Variants in SLC4A8 observed in about 807,000 individuals in gnomAD.
SLC4A8 encodes the protein solute carrier family 4 member 8.
A neutral mutation model predicts 125.0 loss-of-function variants in SLC4A8; 40 were observed. The ratio of observed to expected loss-of-function variants is 0.32; its 90% CI spans 0.25 to 0.42. SLC4A8 has a LOEUF of 0.42. Among genes scored for constraint, SLC4A8 ranks in the 10% least tolerant of loss-of-function variants. The probability of loss-of-function intolerance (pLI) is 1.00; values close to 1 mark genes in which losing one functional copy is unlikely to be tolerated. For missense variants in SLC4A8, 863 were observed against 1,355.1 expected (o/e 0.64, Z 5.70); for synonymous variants, 456 against 476.0 (o/e 0.96, Z 0.55).
rs766460054 is a variant in SLC4A8 at position 51,450,994 on chromosome 12, G to A, written c.249G>A (p.Gly83=). Reference sequence around the variant, plus strand: ...GGCGGGGCAAAGGAGCCAGCCAGGGGGAGGAAGGCCTGGAAGCCCTGGCCC... The same window carrying A: ...GGCGGGGCAAAGGAGCCAGCCAGGGAGAGGAAGGCCTGGAAGCCCTGGCCC... ...RRGRGKGASQ[G]EEGLEALAHD... Residue 83 remains glycine, a synonymous_variant, in exon 3 of 25, where the codon GGG becomes GGA. Transcript: ENST00000453097. 3 of 1,556,166 alleles carry A rather than the reference G, an allele frequency of 1.9e-6. No homozygotes were observed. Among genetic ancestry groups the A allele is most frequent in the African/African-American group, 2.7e-5 (2 of 72,942 alleles).
intron 1 of SLC4A8, among the ~76,000 whole-genome samples, chr12:51,408,647 C>T (rs1948539933): frequency 6.6e-6 from 1 of 152,166 alleles, no homozygotes; most frequent in Non-Finnish European, 1.5e-5. Flanking sequence ...GCATGGTGTT[C>T]ACCTCTTTCT....
chr12:51,490,587 T>TGAGGTGG (rs71457823), intron 19 of SLC4A8, among the ~76,000 whole-genome samples: 30,557 of 129,304 alleles, frequency 0.24, 3,803 homozygotes, highest in Middle Eastern at 0.31. Context: ...AAAAAAAAGA[T>TGAGGTGG]GAGGTGGAGC....
chr12:51,484,072 C>T (rs746942715), intron 16 of SLC4A8, among the ~76,000 whole-genome samples: 4 of 152,122 alleles, frequency 2.6e-5, no homozygotes, highest in Non-Finnish European at 4.4e-5. Flanking sequence ...ATGAACTCAT[C>T]CTTTTTTATC....
chr12:51,403,794 A>G (rs1184903639), intron 1 of SLC4A8, among the ~76,000 whole-genome samples: 2 of 152,256 alleles, frequency 1.3e-5, no homozygotes, highest in East Asian at 3.8e-4. Context: ...GATTCTTCCC[A>G]TGTCAGCCTT....
chr12:51,435,484 G>A (rs990538018), intron 1 of SLC4A8, among the ~76,000 whole-genome samples: 4 of 152,274 alleles, frequency 2.6e-5, no homozygotes, highest in African/African-American at 9.6e-5. Context: ...GAAGCCAGGC[G>A]TGGTGGCTCG....
At chr12:51,405,001 G>A (rs1399247665) in intron 1 of SLC4A8, among the ~76,000 whole-genome samples, 1 of 152,196 alleles carries the variant, frequency 6.6e-6, no homozygotes, top group Non-Finnish European at 1.5e-5. Flanking sequence ...TAAAAGGGCT[G>A]TCTATGTTCA....
At chr12:51,434,635 C>T (rs1377553730) in intron 1 of SLC4A8, among the ~76,000 whole-genome samples, 4 of 152,104 alleles carry the variant, frequency 2.6e-5, no homozygotes, top group African/African-American at 9.7e-5. Context: ...GATGATTGAC[C>T]TTGCTCTTTA....
intron 22 of SLC4A8, among the ~76,000 whole-genome samples, chr12:51,498,316 T>C (rs1279334938): frequency 6.6e-6 from 1 of 152,030 alleles, no homozygotes; most frequent in Non-Finnish European, 1.5e-5. Flanking sequence ...AATATGAAAT[T>C]GAAATGAGCA....
intron 21 of SLC4A8, among the ~76,000 whole-genome samples, 191 bp downstream of exon 21, chr12:51,495,309 C>T (rs546099540): frequency 6.6e-6 from 1 of 152,196 alleles, no homozygotes; most frequent in East Asian, 1.9e-4. Flanking sequence ...AACTCTGCAC[C>T]TATTAAACAC....
chr12:51,403,036 G>A (rs1948422367), intron 1 of SLC4A8: 1 of 365,326 alleles, frequency 2.7e-6, no homozygotes. Context: ...TGTAGTCATG[G>A]GTAAGTTGTT....
intron 1 of SLC4A8, among the ~76,000 whole-genome samples, chr12:51,401,084 C>T (rs1429302009): frequency 1.3e-5 from 2 of 151,576 alleles, no homozygotes; most frequent in African/African-American, 4.9e-5. Flanking sequence ...CCCACGGCAG[C>T]GTCTACCTTT....
In SLC4A8 at chr12:51,462,401, C is replaced by T. The variant is rs1950358019; in HGVS notation, c.1193C>T (p.Pro398Leu). The change falls in exon 10 of 25, where the codon CCA becomes CTA. Residue 398 changes from proline (P) to leucine (L), a missense_variant. Around this residue, in one of 6 missense-constraint regions of SLC4A8, gnomAD observed 390 missense variants for 634.4 expected, o/e 0.61. Transcript: ENST00000453097. The stretch of plus-strand genomic sequence containing the variant: ...CTAGACCAGGTGACGGTGCTCCCTC[C>T]AGGAGAGTGGGATCCCTCCATTAGA... The part of the protein sequence containing the change: ...EFLDQVTVLP[P>L]GEWDPSIRIE... 6.2e-7 allele frequency: 1 copy of T among 1,607,850 alleles called. No homozygotes were observed. Among genetic ancestry groups the T allele is most frequent in the African/African-American group, 1.3e-5 (1 of 74,528 alleles).
intron 1 of SLC4A8, among the ~76,000 whole-genome samples, chr12:51,431,661 T>C (rs1949188622): frequency 6.6e-6 from 1 of 151,912 alleles, no homozygotes; most frequent in Non-Finnish European, 1.5e-5. Flanking sequence ...TTGAGGGCAT[T>C]GGAGAGTTGG....
intron 23 of SLC4A8, among the ~76,000 whole-genome samples, chr12:51,504,761 G>T (rs1343836587): frequency 6.6e-6 from 1 of 152,214 alleles, no homozygotes; most frequent in East Asian, 1.9e-4. Context: ...CTGGGATCAT[G>T]AAAATTCCTT....
intron 1 of SLC4A8, among the ~76,000 whole-genome samples, chr12:51,414,653 G>A (rs1463090848): frequency 6.6e-6 from 1 of 152,184 alleles, no homozygotes; most frequent in African/African-American, 2.4e-5. Context: ...AATGAGTTGT[G>A]ATTGTGCCAC....
upstream of SLC4A8, among the ~76,000 whole-genome samples, chr12:51,422,453 C>G (rs529884646): frequency 1.8e-4 from 28 of 152,254 alleles, no homozygotes; most frequent in Middle Eastern, 3.4e-3. Context: ...CTCCTGGGCT[C>G]AGGTGATCCT....
chr12:51,485,398 T>A (rs1368748914), intron 16 of SLC4A8, among the ~76,000 whole-genome samples: 1 of 150,798 alleles, frequency 6.6e-6, no homozygotes, highest in East Asian at 1.9e-4. Flanking sequence ...GACTTGCAAA[T>A]AGACTGGCTA....
In SLC4A8 at chr12:51,507,464, G is replaced by C. The variant is rs200302800; in HGVS notation, c.*26G>C. 2,174 of 1,382,416 alleles carry C rather than the reference G, an allele frequency of 1.6e-3. 5 individuals are homozygous for C. Among genetic ancestry groups the C allele is most frequent in the Non-Finnish European group, 1.7e-3 (1,837 of 1,060,680 alleles). 85.6% of individuals were successfully genotyped at this position (1,382,416 alleles called of 1,614,324 possible). On this transcript the variant is annotated 3_prime_UTR_variant, in exon 25 of 25. Transcript: ENST00000453097. ...GAGTCTTTGCTGGGATGGAAGATTTGGGCCGTGTGGTGCCTCAGGGAAGTT... is the reference window on the plus strand; with the variant it reads ...GAGTCTTTGCTGGGATGGAAGATTTCGGCCGTGTGGTGCCTCAGGGAAGTT...
chr12:51,512,849 A>G lies in SLC4A8; in HGVS notation c.*5411A>G, dbSNP rs1391177542. 1 of 152,226 alleles carries G rather than the reference A, an allele frequency of 6.6e-6. No homozygotes were observed. Among genetic ancestry groups the G allele is most frequent in the Non-Finnish European group, 1.5e-5 (1 of 68,038 alleles). The allele number at this position is 152,226 out of a possible 1,614,324, so 9.4% of individuals were successfully genotyped here. A position where few individuals can be genotyped will look rare whatever the true frequency, so the allele number is the denominator to read the frequency against. ...TTTGAGAACAAATACAGATTCATCTATGGGAAAAGATGTTTAAACTCAGCA... is the reference window on the plus strand; with the variant it reads ...TTTGAGAACAAATACAGATTCATCTGTGGGAAAAGATGTTTAAACTCAGCA... On this transcript the variant is annotated 3_prime_UTR_variant, in exon 25 of 25. Coordinates refer to ENST00000453097, the MANE Select transcript of SLC4A8 (RefSeq NM_001039960.3).
Sources: allele counts gnomAD v4.1 joint callset (sites outside exome capture counted in the v4.1 genomes callset), GRCh38; gene constraint gnomAD v4.1.1; regional missense constraint gnomAD v4.1.1; transcripts MANE v1.5; gene names NCBI Gene and HGNC (gene_info 2026-07-23, HGNC 2026-07-21).